The following ALG6 variants were observed in gnomAD, a reference collection of about 807,000 sequenced individuals.
ALG6 encodes dolichyl pyrophosphate Man9GlcNAc2 alpha-1,3-glucosyltransferase.
ALG6 carries 46 observed loss-of-function variants against 66.6 expected under a neutral mutation model. That is an observed-to-expected ratio of 0.69 (90% CI 0.55 to 0.88). The LOEUF is 0.88. Ranked by LOEUF, ALG6 falls within the 40% of genes least tolerant of loss-of-function variation. The pLI is 0.00. For synonymous variants in ALG6, 185 were observed against 203.7 expected (o/e 0.91, Z 0.78); for missense variants, 505 against 586.8 (o/e 0.86, Z 1.44).
At chr1:63,422,319 A>G (rs1169200013) in intron 12 of ALG6, among the ~76,000 whole-genome samples, 2 of 118,704 alleles carry the variant, frequency 1.7e-5, no homozygotes, top group African/African-American at 3.4e-5. Flanking sequence ...ATATCTATAT[A>G]TGAATATATA....
At chr1:63,424,327 G>C (rs796528516) in intron 12 of ALG6, among the ~76,000 whole-genome samples, 1 of 152,134 alleles carries the variant, frequency 6.6e-6, no homozygotes, top group Admixed American at 6.5e-5. Flanking sequence ...TTTTAGTAGA[G>C]ATGGGGTTTC....
chr1:63,388,354 T>A (rs1275341701), intron 2 of ALG6, among the ~76,000 whole-genome samples: 1 of 152,180 alleles, frequency 6.6e-6, no homozygotes, highest in Non-Finnish European at 1.5e-5. Context: ...TTTGTAGAGA[T>A]GGGGGTTTGG....
At chr1:63,405,743 C>T (rs952268526) in intron 5 of ALG6, among the ~76,000 whole-genome samples, 4 of 152,002 alleles carry the variant, frequency 2.6e-5, no homozygotes, top group Non-Finnish European at 5.9e-5. Context: ...GCTCTTTAGA[C>T]AGCTATGTTA....
At chr1:63,374,566 T>C (rs1648054203) in intron 2 of ALG6, among the ~76,000 whole-genome samples, 1 of 151,672 alleles carries the variant, frequency 6.6e-6, no homozygotes, top group African/African-American at 2.4e-5. Flanking sequence ...AGGCAGAGGT[T>C]GCAGTGAGCC....
At chr1:63,394,977 T>A (rs1186148844) in intron 2 of ALG6, among the ~76,000 whole-genome samples, 2 of 151,860 alleles carry the variant, frequency 1.3e-5, no homozygotes, top group Non-Finnish European at 2.9e-5. Context: ...GCGATTCTCC[T>A]GCCTCAGCCT....
In ALG6 at chr1:63,436,817, T is replaced by A; in HGVS notation, c.1327-6T>A. 6.2e-7 allele frequency: 1 copy of A among 1,613,522 alleles called. No individual in the cohort carries two copies. Among genetic ancestry groups the A allele is most frequent in the Non-Finnish European group, 8.5e-7 (1 of 1,179,536 alleles). On this transcript the variant is annotated splice_polypyrimidine_tract_variant and splice_region_variant and intron_variant, in intron 14 of 14. Transcript: ENST00000263440. ...TACTACTCAGTAATCCTTTTTTTCC[T>A]TGCAGTTTCTTATCTCAGTCATCAC...
intron 7 of ALG6, among the ~76,000 whole-genome samples, chr1:63,407,721 TA>T (rs1450833364): frequency 6.6e-6 from 1 of 151,986 alleles, no homozygotes; most frequent in Non-Finnish European, 1.5e-5. Flanking sequence ...CCATCTCTCT[TA>T]AAGGAAAAAA....
intron 2 of ALG6, among the ~76,000 whole-genome samples, chr1:63,374,609 CAG>C (rs1648056431): frequency 1.5e-5 from 2 of 137,814 alleles, no homozygotes; most frequent in African/African-American, 5.6e-5. Context: ...CCCTGGGTGA[CAG>C]AGCAAGACTC....
intron 2 of ALG6, among the ~76,000 whole-genome samples, chr1:63,391,756 T>A (rs1180395698): frequency 3.9e-5 from 6 of 152,246 alleles, no homozygotes; most frequent in African/African-American, 1.4e-4. Flanking sequence ...TTATTGTAAT[T>A]TGATTTTTTC....
chr1:63,384,812 C>T (rs981338666), intron 2 of ALG6, among the ~76,000 whole-genome samples: 1 of 152,064 alleles, frequency 6.6e-6, no homozygotes, highest in African/African-American at 2.4e-5. Context: ...TTTCTGGGTT[C>T]TCTATTCTGT....
chr1:63,390,128 G>A lies in ALG6; in HGVS notation c.83-6385G>A, dbSNP rs144020761. Among the ~76,000 whole-genome samples, 1,126 of 152,328 alleles carry A rather than the reference G, an allele frequency of 7.4e-3. 11 individuals carry two copies. The highest frequency in any genetic ancestry group is 0.024 in the African/African-American group (1,014 of 41,578). On this transcript the variant is annotated intron_variant, in intron 2 of 14. Transcript: ENST00000263440. ...AAGGCCCAAGGGTTCTTCATCAGCAGGTATTGAATCCAGCCAGGCTTATGC... is the reference window on the plus strand; with the variant it reads ...AAGGCCCAAGGGTTCTTCATCAGCAAGTATTGAATCCAGCCAGGCTTATGC...
intron 7 of ALG6, 117 bp from the exon 8 acceptor site, chr1:63,411,029 C>T: frequency 1.0e-6 from 1 of 978,248 alleles, no homozygotes; most frequent in South Asian, 1.6e-5. Context: ...TTTAAAATCA[C>T]ATAAGAGATA....
intron 11 of ALG6, among the ~76,000 whole-genome samples, chr1:63,418,486 T>C (rs991413411): frequency 6.6e-6 from 1 of 152,060 alleles, no homozygotes; most frequent in Admixed American, 6.6e-5. Context: ...AAGTGGCTGC[T>C]GTAAAATGAG....
intron 2 of ALG6, among the ~76,000 whole-genome samples, chr1:63,382,645 T>TC (rs1462855759): frequency 1.4e-5 from 1 of 71,710 alleles, no homozygotes; most frequent in Non-Finnish European, 2.6e-5. Flanking sequence ...GGCTAAGTTT[T>TC]TTTTTGTTTG....
At chr1:63,378,419 T>C (rs1648200188) in intron 2 of ALG6, among the ~76,000 whole-genome samples, 1 of 152,196 alleles carries the variant, frequency 6.6e-6, no homozygotes, top group South Asian at 2.1e-4. Flanking sequence ...AAAACATTTG[T>C]CATCCTAGGA....
chr1:63,375,391 A>G (rs1456151048), intron 2 of ALG6, among the ~76,000 whole-genome samples: 1 of 140,574 alleles, frequency 7.1e-6, no homozygotes, highest in Non-Finnish European at 1.5e-5. Context: ...ATTTACAGGC[A>G]TGTGCCACCA....
At chr1:63,434,894 G>T (rs1644669569) in intron 14 of ALG6, among the ~76,000 whole-genome samples, 1 of 152,208 alleles carries the variant, frequency 6.6e-6, no homozygotes, top group South Asian at 2.1e-4. Context: ...AACCAGCAAA[G>T]ATGTCTAAGA....
rs59236936 is a variant in ALG6, at chr1:63,382,665, G to GT, written c.82+11619dup. Among the ~76,000 whole-genome samples, 104 of 93,556 alleles carry GT rather than the reference G, an allele frequency of 1.1e-3. 1 individual carries two copies. The highest frequency in any genetic ancestry group is 1.7e-3 in the Non-Finnish European group (82 of 47,730). The allele number at this position is 93,556 out of a possible 152,430, so 61.4% of individuals were successfully genotyped here. The stretch of plus-strand genomic sequence containing the variant: ...AGTTTTTTTTTGTTTGTTTTTTTTT[G>GT]TTTTTTTTTTTTTGTTTTTTTTTTT... On this transcript the variant is annotated intron_variant, in intron 2 of 14. Transcript: ENST00000263440.
At chr1:63,371,649 G>C (rs773151330) in intron 2 of ALG6, among the ~76,000 whole-genome samples, 21 of 151,808 alleles carry the variant, frequency 1.4e-4, no homozygotes, top group Non-Finnish European at 3.1e-4. Flanking sequence ...GTGTCGCCCA[G>C]GCTGGAGTTC....
Sources: allele counts gnomAD v4.1 joint callset (sites outside exome capture counted in the v4.1 genomes callset), GRCh38; gene constraint gnomAD v4.1.1; transcripts MANE v1.5; gene names NCBI Gene and HGNC (gene_info 2026-07-23, HGNC 2026-07-21).